The following TTN variants were observed in gnomAD, a reference collection of about 807,000 sequenced individuals.
TTN encodes connectin.
In TTN, 1,525 loss-of-function variants were observed where a neutral mutation model predicts 3,223.0. That is an observed-to-expected ratio of 0.47 (90% confidence interval 0.45 to 0.49). The LOEUF (loss-of-function observed/expected upper bound fraction) is 0.49. Ranked by LOEUF, TTN falls within the 20% of genes least tolerant of loss-of-function variation. The pLI is 0.00. For synonymous variants in TTN, 14,094 were observed against 15,161.0 expected (o/e 0.93, Z 5.17); for missense variants, 40,786 against 43,424.0 (o/e 0.94, Z 5.40).
At chr2:178,677,344 A>G (rs1397780791) in intron 146 of TTN, 57 bp from the exon 147 acceptor site, 1 of 459,944 alleles carries the variant, frequency 2.2e-6, no homozygotes, top group Non-Finnish European at 3.0e-6. Flanking sequence ...TCATATATAT[A>G]TATATATATA....
In TTN at chr2:178,617,017, C is replaced by T; in HGVS notation, c.47876-4G>A. 1 of 1,612,206 alleles carries T rather than the reference C, an allele frequency of 6.2e-7. No individual in the cohort carries two copies. Among genetic ancestry groups the T allele is most frequent in the Non-Finnish European group, 8.5e-7 (1 of 1,178,964 alleles). ...CTTAAATCCATTGTTGGTTCAACTA[C>T]AAAGAAGAAAAGTTAATGAGTTTGC... is the stretch of plus-strand genomic sequence containing the variant. On this transcript the variant is annotated splice_region_variant and splice_polypyrimidine_tract_variant and intron_variant, in intron 255 of 362. Transcript: ENST00000589042.
At position 178,635,709 on chromosome 2, in the gene TTN, A is replaced by G. The variant is rs1346836308; in HGVS notation, c.41615T>C (p.Ile13872Thr). The change falls in exon 227 of 363, where the codon ATT (isoleucine) becomes ACT (threonine). Residue 13872 changes from isoleucine to threonine, a missense_variant. Physicochemically the swap from Ile to Thr is moderately conservative, Grantham distance 89. Coordinates refer to ENST00000589042, the MANE Select transcript of TTN (RefSeq NM_001267550.2). ...TATAGGTTTCACCAGCCAATCTCTA[A>G]TGACTTCTATATGAAAATAAGATCA... is the stretch of plus-strand genomic sequence containing the variant. The part of the protein sequence containing the change: ...CSSCVKVVEV[I>T]RDWLVKPIRD... 6.3e-7 allele frequency: 1 copy of G among 1,597,948 alleles called. No individual in the cohort carries two copies. The highest frequency in any genetic ancestry group is 1.3e-5 in the African/African-American group (1 of 74,522).
chr2:178,691,892 TA>T, intron 121 of TTN, 123 bp downstream of exon 121: 1 of 711,842 alleles, frequency 1.4e-6, no homozygotes, highest in Non-Finnish European at 2.2e-6. Flanking sequence ...TGACAAACAG[TA>T]AAAACACAAG....
intron 212 of TTN, 44 bp from the exon 213 acceptor site, chr2:178,649,375 A>G: frequency 7.4e-7 from 1 of 1,347,050 alleles, no homozygotes; most frequent in East Asian, 2.6e-5. Context: ...ATTTAAAAAC[A>G]TTTTAAAATA....
In TTN at chr2:178,729,715, C is replaced by A; in HGVS notation, c.18538G>T (p.Ala6180Ser). Residue 6180 changes from alanine to serine, a missense_variant, in exon 63 of 363, where the codon GCT becomes TCT. Ala to Ser is a moderately conservative substitution (Grantham distance 99). Transcript: ENST00000589042. Reference sequence around the variant, plus strand: ...CTCGCCGTGCCTGCGTCATTTCGAGCTTCACACACATAAGTCCCACTATTT... The same window carrying A: ...CTCGCCGTGCCTGCGTCATTTCGAGATTCACACACATAAGTCCCACTATTT... ...VENSGTYVCE[A>S]RNDAGTASCS... 3.7e-6 allele frequency: 6 copies of A among 1,613,760 alleles called. No homozygotes were observed. Among genetic ancestry groups the A allele is most frequent in the African/African-American group, 1.3e-5 (1 of 75,038 alleles).
At position 178,663,960 on chromosome 2, in the gene TTN, ATT is replaced by A. The variant is rs1411364047; in HGVS notation, c.36364+53_36364+54del. 3 of 1,612,340 alleles carry A rather than the reference ATT, an allele frequency of 1.9e-6. No individual in the cohort carries two copies. In the African/African-American group the frequency reaches 4.0e-5, roughly 22 times the overall value. ...GTTATGAAGACCGCTAGAAAAAAAT[ATT>A]GTCAAGAGCAGAAGAATTAGGTCTT... On this transcript the variant is annotated intron_variant, in intron 169 of 362. Transcript: ENST00000589042.
In TTN at chr2:178,599,670, T is replaced by G; in HGVS notation, c.56231A>C (p.Asp18744Ala). The G allele has an allele frequency of 1.2e-6, 2 of 1,613,096 alleles. No homozygotes were observed. Among genetic ancestry groups the G allele is most frequent in the African/African-American group, 1.3e-5 (1 of 74,988 alleles). ...YDTHVNKLVVDDTCTLVIPQS... is the reference protein window; with the variant it reads ...YDTHVNKLVVADTCTLVIPQS... ...CGGAATAACTAAAGTGCAAGTATCA[T>G]CTACCACCAGTTTGTTGACATGGGT... The change falls in exon 289 of 363, where the codon GAT (aspartate) becomes GCT (alanine). Residue 18744 changes from aspartate to alanine, a missense_variant. By Grantham distance (126) the Asp-to-Ala change is moderately radical. Transcript: ENST00000589042.
Position 178,783,013 on chromosome 2 carries a change from G to A in TTN, c.2893C>T (p.His965Tyr), listed in dbSNP as rs761450193. 1.2e-6 allele frequency: 2 copies of A among 1,614,088 alleles called. No individual in the cohort carries two copies. The highest frequency in any genetic ancestry group is 1.7e-6 in the Non-Finnish European group (2 of 1,180,002). The stretch of plus-strand genomic sequence containing the variant: ...GTCGGGGATGGGTATCCAGAGATGT[G>A]GCACTCCAAGGTGACAGATTCACCT... ...IEGESVTLECHISGYPSPTVT... is the reference protein window; with the variant it reads ...IEGESVTLECYISGYPSPTVT... The change falls in exon 18 of 363, where the codon CAC becomes TAC. Residue 965 changes from histidine to tyrosine, a missense_variant. Physicochemically the swap from His to Tyr is moderately conservative, Grantham distance 83. Coordinates refer to ENST00000589042, the MANE Select transcript of TTN (RefSeq NM_001267550.2).
At position 178,666,862 on chromosome 2, in the gene TTN, G is replaced by A; in HGVS notation, c.35837C>T (p.Thr11946Ile). The A allele has an allele frequency of 1.3e-6, 2 of 1,572,098 alleles. No individual in the cohort carries two copies. The highest frequency in any genetic ancestry group is 1.7e-6 in the Non-Finnish European group (2 of 1,158,050). Reference sequence around the variant, plus strand: ...TGTTTTTCTTCTTTTAACAATAGGAGTTTCTCCCTCTGGAATGACTTCCTT... The same window carrying A: ...TGTTTTTCTTCTTTTAACAATAGGAATTTCTCCCTCTGGAATGACTTCCTT... ...VFKEVIPEGE[T>I]PIVKRRKTPS... The change falls in exon 163 of 363, where the codon ACT (threonine) becomes ATT (isoleucine). Residue 11946 changes from threonine to isoleucine, a missense_variant. Transcript: ENST00000589042.
chr2:178,717,611 T>C lies in TTN; in HGVS notation c.25263A>G (p.Gln8421=), dbSNP rs749440515. ...ACTGCCCTATGTGGCTCTGGTCAGT[T>C]TGTAAAATCTGAAGAGTTGCTACAT... is the stretch of plus-strand genomic sequence containing the variant. ...VHNVATLQIL[Q]TDQSHIGQYN... Residue 8421 remains glutamine (Q), a synonymous_variant, in exon 87 of 363, where the codon CAA becomes CAG. Coordinates refer to ENST00000589042, the MANE Select transcript of TTN (RefSeq NM_001267550.2). The C allele has an allele frequency of 2.5e-6, 4 of 1,613,144 alleles. No homozygotes were observed. Among genetic ancestry groups the C allele is most frequent in the Non-Finnish European group, 2.5e-6 (3 of 1,179,576 alleles).
At position 178,565,259 on chromosome 2, in the gene TTN, G is replaced by A; in HGVS notation, c.80873C>T (p.Ala26958Val). The A allele has an allele frequency of 6.2e-7, 1 of 1,613,576 alleles. No individual in the cohort carries two copies. Among genetic ancestry groups the A allele is most frequent in the Non-Finnish European group, 8.5e-7 (1 of 1,179,698 alleles). Reference protein sequence around the residue: ...GKYTVTATNSAGTATENLSVI... With the variant: ...GKYTVTATNSVGTATENLSVI... The stretch of plus-strand genomic sequence containing the variant: ...ACTGAGATTTTCTGTTGCTGTGCCT[G>A]CACTATTTGTTGCCGTTACGGTGTA... The change falls in exon 326 of 363, where the codon GCA becomes GTA. Residue 26958 changes from alanine to valine, a missense_variant. Ala to Val is a moderately conservative substitution (Grantham distance 64). Transcript: ENST00000589042.
At chr2:178,732,374 A>G (rs960477254) in intron 56 of TTN, 27 bp from the exon 57 acceptor site, 2 of 1,577,068 alleles carry the variant, frequency 1.3e-6, no homozygotes, top group Non-Finnish European at 1.7e-6. Flanking sequence ...GTTATTAAGA[A>G]ATGTGAGAAA....
rs1187993463 is a variant in TTN, at chr2:178,669,644, T to G, written c.35418A>C (p.Glu11806Asp). ...TCAGAACAGCTTCACGAACTTTTTC[T>G]TCTGGGACAATTTTCTTGGGTACTT... is the stretch of plus-strand genomic sequence containing the variant. The part of the protein sequence containing the change: ...APEVPKKIVP[E>D]EKVREAVLKK... The change falls in exon 158 of 363, where the codon GAA (glutamate) becomes GAC (aspartate). Residue 11806 changes from glutamate to aspartate, a missense_variant. Physicochemically the swap from Glu to Asp is conservative, Grantham distance 45 (BLOSUM62 2). Transcript: ENST00000589042. The G allele has an allele frequency of 3.1e-6, 5 of 1,612,498 alleles. No homozygotes were observed. The highest frequency in any genetic ancestry group is 4.2e-6 in the Non-Finnish European group (5 of 1,179,664).
intron 47 of TTN, chr2:178,751,451 T>C: frequency 6.2e-7 from 1 of 1,613,192 alleles, no homozygotes; most frequent in Non-Finnish European, 8.5e-7. Context: ...CATTCCCTTT[T>C]GTTCCACATC....
At chr2:178,609,171 C>A (rs575279272) in intron 273 of TTN, 37 bp downstream of exon 273, 4 of 1,453,656 alleles carry the variant, frequency 2.8e-6, no homozygotes, top group African/African-American at 2.9e-5. Context: ...TTTACTAAAA[C>A]CTTTTTCCAT....
In TTN at chr2:178,606,949, A is replaced by G. The variant is rs959214784; in HGVS notation, c.53581+72T>C. ...TTGAGACTGTTGGGAGTTTGAAGCC[A>G]TAAAGCTCAGTAAATAATATAACTA... is the stretch of plus-strand genomic sequence containing the variant. On this transcript the variant is annotated intron_variant, in intron 278 of 362. Transcript: ENST00000589042. The G allele has an allele frequency of 3.9e-6, 6 of 1,534,070 alleles. No homozygotes were observed. The African/African-American group carries it at 7.0e-5, about 18-fold the overall frequency.
intron 239 of TTN, 55 bp downstream of exon 239, chr2:178,630,186 T>A: frequency 6.2e-7 from 1 of 1,606,806 alleles, no homozygotes; most frequent in South Asian, 1.1e-5. Context: ...TTCACTCACA[T>A]TCATTTTCTG....
At position 178,633,419 on chromosome 2, in the gene TTN, C is replaced by T. The variant is rs376881525; in HGVS notation, c.42940G>A (p.Val14314Ile). 4.0e-5 allele frequency: 64 copies of T among 1,613,280 alleles called. No individual in the cohort carries two copies. The highest frequency in any genetic ancestry group is 5.3e-5 in the Non-Finnish European group (63 of 1,179,572). The change falls in exon 232 of 363, where the codon GTT (valine) becomes ATT (isoleucine). Residue 14314 changes from valine to isoleucine, a missense_variant. Physicochemically the swap from Val to Ile is conservative, Grantham distance 29. Transcript: ENST00000589042. The stretch of plus-strand genomic sequence containing the variant: ...ACATTGTTGAGCAACTCACCCTCAA[C>T]AGTAACATTTGCCTTGGTCTTGTCT... ...GTDKTKANVT[V>I]EARLIKVEKP...
Position 178,611,538 on chromosome 2 carries a change from C to T in TTN, c.50691G>A (p.Glu16897=). The T allele has an allele frequency of 6.2e-7, 1 of 1,613,048 alleles. No individual in the cohort carries two copies. The highest frequency in any genetic ancestry group is 1.3e-5 in the African/African-American group (1 of 74,972). Residue 16897 remains glutamate, a synonymous_variant, in exon 269 of 363, where the codon GAG becomes GAA. Coordinates refer to ENST00000589042, the MANE Select transcript of TTN (RefSeq NM_001267550.2). ...GGCGAGAATTAACTCTCATCCATTT[C>T]TCAGTGCCTACTGGACACATTTCAA... ...YHVEMCPVGT[E]KWMRVNSRPI...
Sources: allele counts gnomAD v4.1 joint callset, GRCh38; gene constraint gnomAD v4.1.1; transcripts MANE v1.5; gene names NCBI Gene and HGNC (gene_info 2026-07-23, HGNC 2026-07-21).